Variants in RBFOX1 observed in about 807,000 individuals in gnomAD.
RBFOX1 encodes the protein RNA binding fox-1 homolog 1.
RBFOX1 carries 8 observed loss-of-function variants against 57.7 expected under a neutral mutation model. That is an observed-to-expected ratio of 0.14 (90% CI 0.08 to 0.25). The LOEUF (loss-of-function observed/expected upper bound fraction) is 0.25. Among genes scored for constraint, RBFOX1 ranks in the 10% least tolerant of loss-of-function variants. The pLI is 1.00. For missense variants in RBFOX1, 611 were observed against 548.5 expected (o/e 1.11, Z -1.14); for synonymous variants, 326 against 222.4 (o/e 1.47, Z -4.15).
At chr16:6,444,029 G>A (rs1251339499) in intron 2 of RBFOX1, among the ~76,000 whole-genome samples, 1 of 152,150 alleles carries the variant, frequency 6.6e-6, no homozygotes, top group African/African-American at 2.4e-5. Flanking sequence ...AACAGATATT[G>A]TATAATGTAG....
At chr16:5,667,325 T>A (rs1287481476) in intron 3 of RBFOX1, among the ~76,000 whole-genome samples, 1 of 152,278 alleles carries the variant, frequency 6.6e-6, no homozygotes, top group African/African-American at 2.4e-5. Context: ...GCTATACATT[T>A]TCCCCTGAGA....
chr16:5,646,182 A>AAT (rs772368365), intron 3 of RBFOX1, among the ~76,000 whole-genome samples: 1 of 133,726 alleles, frequency 7.5e-6, no homozygotes, highest in Non-Finnish European at 1.6e-5. Flanking sequence ...GGCACGTGCT[A>AAT]TTTTTTTTTT....
chr16:7,351,387 G>C (rs953415486), intron 4 of RBFOX1, among the ~76,000 whole-genome samples: 1 of 152,240 alleles, frequency 6.6e-6, no homozygotes, highest in African/African-American at 2.4e-5. Flanking sequence ...TACGTGCAAG[G>C]CACGATGGCA....
intron 3 of RBFOX1, among the ~76,000 whole-genome samples, chr16:6,904,921 A>G (rs1008607120): frequency 3.3e-5 from 5 of 152,188 alleles, no homozygotes; most frequent in African/African-American, 1.2e-4. Flanking sequence ...CCCTCAGACA[A>G]CAAAACTACA....
At chr16:5,527,901 A>T (rs1369846688) in intron 2 of RBFOX1, among the ~76,000 whole-genome samples, 3 of 152,142 alleles carry the variant, frequency 2.0e-5, no homozygotes, top group Admixed American at 2.0e-4. Flanking sequence ...TAAAACATGG[A>T]GGCTCCCTGG....
intron 5 of RBFOX1, among the ~76,000 whole-genome samples, chr16:7,520,000 C>G (rs567359891): frequency 6.6e-6 from 1 of 152,266 alleles, no homozygotes; most frequent in Non-Finnish European, 1.5e-5. Flanking sequence ...ATTCTCCTGC[C>G]TCAGTCTCCC....
chr16:7,388,996 T>G (rs1303203374), intron 4 of RBFOX1, among the ~76,000 whole-genome samples: 1 of 152,182 alleles, frequency 6.6e-6, no homozygotes, highest in East Asian at 1.9e-4. Flanking sequence ...GCTTAAAACA[T>G]TTTTTTAAAG....
intron 1 of RBFOX1, among the ~76,000 whole-genome samples, chr16:5,330,246 T>G (rs1175994563): frequency 6.6e-6 from 1 of 152,222 alleles, no homozygotes; most frequent in African/African-American, 2.4e-5. Context: ...AGAACCAGGA[T>G]GCAAACTCAG....
At chr16:6,678,972 C>G (rs538660136) in intron 3 of RBFOX1, among the ~76,000 whole-genome samples, 88 of 152,244 alleles carry the variant, frequency 5.8e-4, no homozygotes, top group Admixed American at 9.2e-4. Context: ...CAGTGAGACT[C>G]TAATTTCTTT....
At chr16:6,017,148 A>G (rs1197515746), upstream of RBFOX1, among the ~76,000 whole-genome samples, 2 of 152,210 alleles carry the variant, frequency 1.3e-5, no homozygotes, top group Non-Finnish European at 1.5e-5. Context: ...GGGCCCAGCA[A>G]TTACCCATTT....
At chr16:6,865,359 A>G (rs779719035) in intron 3 of RBFOX1, among the ~76,000 whole-genome samples, 8 of 152,114 alleles carry the variant, frequency 5.3e-5, no homozygotes, top group Non-Finnish European at 4.4e-5. Context: ...TGTTCATTGT[A>G]GATAACATGA....
At chr16:6,776,734 C>G (rs1327973198) in intron 3 of RBFOX1, among the ~76,000 whole-genome samples, 3 of 152,170 alleles carry the variant, frequency 2.0e-5, no homozygotes, top group East Asian at 3.9e-4. Flanking sequence ...TGTGACTGAG[C>G]CACACTAGGT....
chr16:5,472,337 C>T (rs553316070), intron 2 of RBFOX1, among the ~76,000 whole-genome samples: 1 of 152,160 alleles, frequency 6.6e-6, no homozygotes, highest in East Asian at 1.9e-4. Context: ...CTCGTGTAAT[C>T]CTCCCAACAT....
At chr16:5,717,797 A>G (rs191843406) in intron 3 of RBFOX1, among the ~76,000 whole-genome samples, 5 of 152,342 alleles carry the variant, frequency 3.3e-5, no homozygotes, top group East Asian at 1.9e-4. Flanking sequence ...AGGGCCTCCC[A>G]TGATCAGCGA....
chr16:5,242,472 C>A (rs2062191820), intron 1 of RBFOX1, among the ~76,000 whole-genome samples: 1 of 152,216 alleles, frequency 6.6e-6, no homozygotes, highest in African/African-American at 2.4e-5. Context: ...AGACACATTC[C>A]TCTTCCTTTT....
chr16:7,415,419 C>G (rs1250209259), intron 4 of RBFOX1, among the ~76,000 whole-genome samples: 2 of 152,150 alleles, frequency 1.3e-5, no homozygotes, highest in Admixed American at 6.5e-5. Flanking sequence ...TGATGAACTT[C>G]AAGCTCATGT....
At chr16:6,259,091 A>G (rs1459405972) in intron 1 of RBFOX1, among the ~76,000 whole-genome samples, 1 of 152,176 alleles carries the variant, frequency 6.6e-6, no homozygotes, top group Non-Finnish European at 1.5e-5. Context: ...ACTATGTCAG[A>G]CAGGAAATCT....
chr16:6,109,420 C>A (rs769836133), intron 1 of RBFOX1, among the ~76,000 whole-genome samples: 2 of 152,028 alleles, frequency 1.3e-5, no homozygotes, highest in African/African-American at 2.4e-5. Context: ...TCTTCTTATT[C>A]CCTGAAAAGC....
chr16:7,274,111 C>T (rs1299145150), intron 4 of RBFOX1, among the ~76,000 whole-genome samples: 1 of 152,054 alleles, frequency 6.6e-6, no homozygotes, highest in African/African-American at 2.4e-5. Flanking sequence ...TCCAGGAAAC[C>T]AATTGAGATA....
Sources: allele counts gnomAD v4.1 joint callset (sites outside exome capture counted in the v4.1 genomes callset), GRCh38; gene constraint gnomAD v4.1.1; transcripts MANE v1.5; gene names NCBI Gene and HGNC (gene_info 2026-07-23, HGNC 2026-07-21).